Variants in ADCY6 observed in about 807,000 individuals in gnomAD.
The protein encoded by ADCY6 is adenylate cyclase type 6.
A neutral mutation model predicts 111.6 loss-of-function variants in ADCY6; 59 were observed. That is an observed-to-expected ratio of 0.53 (90% CI 0.43 to 0.66). ADCY6 has a LOEUF of 0.66. Among genes scored for constraint, ADCY6 ranks in the 30% least tolerant of loss-of-function variants. The pLI is 0.00. For missense variants in ADCY6, 1,242 were observed against 1,595.6 expected (o/e 0.78, Z 3.78); for synonymous variants, 576 against 642.9 (o/e 0.90, Z 1.57).
intron 1 of ADCY6, among the ~76,000 whole-genome samples, chr12:48,785,962 T>A (rs1941972403): frequency 6.6e-6 from 1 of 152,150 alleles, no homozygotes; most frequent in Admixed American, 6.5e-5. Flanking sequence ...TCCATGATGA[T>A]ACCTTTAATG....
intron 20 of ADCY6, among the ~76,000 whole-genome samples, chr12:48,769,916 C>T (rs1941485981): frequency 6.6e-6 from 1 of 151,980 alleles, no homozygotes; most frequent in Non-Finnish European, 1.5e-5. Flanking sequence ...CGCCCACCAC[C>T]ACACCCGGCT....
At chr12:48,789,427 C>T (rs1416447781), upstream of ADCY6, 1 of 152,442 alleles carries the variant, frequency 6.6e-6, no homozygotes, top group Non-Finnish European at 1.5e-5. Context: ...CCGCCCTCAC[C>T]CCGGGGGTCC....
chr12:48,777,046 T>C lies in ADCY6; in HGVS notation c.1376+58A>G. On this transcript the variant is annotated intron_variant, in intron 6 of 21. Transcript: ENST00000357869. The surrounding 1 kb of genome is among the most constrained non-coding windows in gnomAD (Gnocchi z 4.9). Reference sequence around the variant, plus strand: ...AATCTCCTGAGGTCTCATCAAAAAGTAGGAGCAGTCTGGGGCACCCGCAAT... The same window carrying C: ...AATCTCCTGAGGTCTCATCAAAAAGCAGGAGCAGTCTGGGGCACCCGCAAT... The C allele has an allele frequency of 2.6e-6, 4 of 1,524,124 alleles. No individual in the cohort carries two copies. The highest frequency in any genetic ancestry group is 1.3e-5 in the South Asian group (1 of 77,030). The allele number at this position is 1,524,124 out of a possible 1,614,324, so 94.4% of individuals were successfully genotyped here.
chr12:48,777,796 C>T lies in ADCY6; in HGVS notation c.1015-60G>A. ...TCTTGGTCTCACATTGCAATCCCTCCTGGTCTCTCCACATCGCCAGAGCCC... is the reference window on the plus strand; with the variant it reads ...TCTTGGTCTCACATTGCAATCCCTCTTGGTCTCTCCACATCGCCAGAGCCC... On this transcript the variant is annotated intron_variant, in intron 3 of 21. Coordinates refer to ENST00000357869, the MANE Select transcript of ADCY6 (RefSeq NM_015270.5). This position sits in a 1 kb window ranked among gnomAD's most constrained non-coding sequence, Gnocchi z 4.9. 2 of 1,599,094 alleles carry T rather than the reference C, an allele frequency of 1.3e-6. No homozygotes were observed. The highest frequency in any genetic ancestry group is 1.7e-6 in the Non-Finnish European group (2 of 1,173,128).
chr12:48,770,716 C>T (rs753833338), intron 20 of ADCY6, 50 bp downstream of exon 20: 9 of 1,573,338 alleles, frequency 5.7e-6, no homozygotes, highest in Non-Finnish European at 7.9e-6. Flanking sequence ...ATCCCAGCTT[C>T]ACCTGGAAAA....
chr12:48,771,084 G>A lies in ADCY6; in HGVS notation c.3052-114C>T. The stretch of plus-strand genomic sequence containing the variant: ...CCTTCCCCACTTCCCTGTCTCAAGA[G>A]CCCCCTTCCAGCTGCTGCTATCAGT... On this transcript the variant is annotated intron_variant, in intron 19 of 21. Transcript: ENST00000357869. This position sits in a 1 kb window ranked among gnomAD's most constrained non-coding sequence, Gnocchi z 4.3. 8.6e-6 allele frequency: 9 copies of A among 1,047,980 alleles called. No individual in the cohort carries two copies. Among genetic ancestry groups the A allele is most frequent in the South Asian group, 1.5e-5 (1 of 65,938 alleles). The allele number at this position is 1,047,980 out of a possible 1,614,324, so 64.9% of individuals were successfully genotyped here.
chr12:48,770,606 G>A (rs1291164124), intron 20 of ADCY6, among the ~76,000 whole-genome samples, 160 bp downstream of exon 20: 2 of 152,180 alleles, frequency 1.3e-5, no homozygotes, highest in African/African-American at 4.8e-5. Context: ...AGTGCCTAAT[G>A]ATCTCTGTTC....
At chr12:48,770,623 T>A (rs926453779) in intron 20 of ADCY6, 143 bp downstream of exon 20, 18 of 770,360 alleles carry the variant, frequency 2.3e-5, no homozygotes, top group Non-Finnish European at 3.6e-5. Flanking sequence ...GTTCTTAATA[T>A]CAGACTTGAT....
At position 48,778,202 on chromosome 12, in the gene ADCY6, T is replaced by C; in HGVS notation, c.920A>G (p.His307Arg). The change falls in exon 3 of 22, where the codon CAC (histidine) becomes CGC (arginine). Residue 307 changes from histidine to arginine, a missense_variant. Physicochemically the swap from His to Arg is conservative, Grantham distance 29. This residue lies in a region of ADCY6 where 260 missense variants were observed against 414.6 expected (regional missense o/e 0.63). Transcript: ENST00000357869. ...LCTNVIGICT[H>R]YPAEVSQRQA... The stretch of plus-strand genomic sequence containing the variant: ...GCGCTGAGACACCTCTGCTGGATAG[T>C]GTGTGCAGATGCCAATGACGTTGGT... The C allele has an allele frequency of 6.2e-7, 1 of 1,614,142 alleles. No homozygotes were observed. The highest frequency in any genetic ancestry group is 8.5e-7 in the Non-Finnish European group (1 of 1,180,022).
chr12:48,773,769 C>T, intron 15 of ADCY6, 122 bp from the exon 16 acceptor site: 1 of 1,446,170 alleles, frequency 6.9e-7, no homozygotes, highest in African/African-American at 1.4e-5. Flanking sequence ...ACCCCCATAT[C>T]CTCCACCTTC....
chr12:48,770,794 G>C lies in ADCY6; in HGVS notation c.3228C>G (p.His1076Gln). ...LMEQMKHINE[H>Q]SFNNFQMKIG... ...TCTTCATCTGGAAATTGTTGAAGGA[G>C]TGCTCATTGATGTGCTTCATCTGCT... is the stretch of plus-strand genomic sequence containing the variant. The change falls in exon 20 of 22, where the codon CAC (histidine) becomes CAG (glutamine). Residue 1076 changes from histidine to glutamine, a missense_variant. This residue lies in a region of ADCY6 where 245 missense variants were observed against 371.3 expected (regional missense o/e 0.66). Coordinates refer to ENST00000357869, the MANE Select transcript of ADCY6 (RefSeq NM_015270.5). 6.2e-7 allele frequency: 1 copy of C among 1,614,170 alleles called. No homozygotes were observed. Among genetic ancestry groups the C allele is most frequent in the Non-Finnish European group, 8.5e-7 (1 of 1,180,026 alleles).
chr12:48,783,952 G>A (rs559399212), intron 1 of ADCY6: 19 of 157,716 alleles, frequency 1.2e-4, no homozygotes, highest in Non-Finnish European at 2.1e-4. Context: ...GCGTGGTGGC[G>A]GGCGCCTGTA....
At position 48,778,212 on chromosome 12, in the gene ADCY6, T is replaced by A; in HGVS notation, c.910A>T (p.Ile304Phe). 1 of 1,614,134 alleles carries A rather than the reference T, an allele frequency of 6.2e-7. No individual in the cohort carries two copies. Among genetic ancestry groups the A allele is most frequent in the South Asian group, 1.1e-5 (1 of 91,086 alleles). The stretch of plus-strand genomic sequence containing the variant: ...ACCTCTGCTGGATAGTGTGTGCAGA[T>A]GCCAATGACGTTGGTGCAGAGGAAC... ...LLFLCTNVIG[I>F]CTHYPAEVSQ... is the part of the protein sequence containing the mutation. The change falls in exon 3 of 22, where the codon ATC becomes TTC. Residue 304 changes from isoleucine (I) to phenylalanine (F), a missense_variant. By Grantham distance (21) the Ile-to-Phe change is conservative (BLOSUM62 0). Around this residue, in one of 4 missense-constraint regions of ADCY6, gnomAD observed 260 missense variants for 414.6 expected, o/e 0.63. Transcript: ENST00000357869.
chr12:48,777,783 A>C lies in ADCY6; in HGVS notation c.1015-47T>G. 6.2e-7 allele frequency: 1 copy of C among 1,608,484 alleles called. No homozygotes were observed. The highest frequency in any genetic ancestry group is 8.5e-7 in the Non-Finnish European group (1 of 1,177,606). On this transcript the variant is annotated intron_variant, in intron 3 of 21. Coordinates refer to ENST00000357869, the MANE Select transcript of ADCY6 (RefSeq NM_015270.5). This position sits in a 1 kb window ranked among gnomAD's most constrained non-coding sequence, Gnocchi z 4.9. ...GGCATCACTATACTCTTGGTCTCAC[A>C]TTGCAATCCCTCCTGGTCTCTCCAC...
chr12:48,781,934 C>T (rs1040251116), intron 2 of ADCY6, among the ~76,000 whole-genome samples: 2 of 152,160 alleles, frequency 1.3e-5, no homozygotes, highest in Non-Finnish European at 2.9e-5. Context: ...TCAGACTTAA[C>T]GCTCCTCTCT....
At chr12:48,781,984 G>A (rs781005087) in intron 2 of ADCY6, among the ~76,000 whole-genome samples, 3 of 152,184 alleles carry the variant, frequency 2.0e-5, no homozygotes, top group Admixed American at 6.5e-5. Context: ...CCAGCCCAGA[G>A]AGAACTGACC....
In ADCY6 at chr12:48,777,229, C is replaced by A. The variant is rs922727673; in HGVS notation, c.1251G>T (p.Glu417Asp). 6 of 1,612,772 alleles carry A rather than the reference C, an allele frequency of 3.7e-6. No homozygotes were observed. Among genetic ancestry groups the A allele is most frequent in the Non-Finnish European group, 4.2e-6 (5 of 1,179,442 alleles). The change falls in exon 6 of 22, where the codon GAG becomes GAT. Residue 417 changes from glutamate to aspartate, a missense_variant and splice_region_variant. Physicochemically the swap from Glu to Asp is conservative, Grantham distance 45 (BLOSUM62 2). Around this residue, in one of 4 missense-constraint regions of ADCY6, gnomAD observed 260 missense variants for 414.6 expected, o/e 0.63. Coordinates refer to ENST00000357869, the MANE Select transcript of ADCY6 (RefSeq NM_015270.5). This position sits in a 1 kb window ranked among gnomAD's most constrained non-coding sequence, Gnocchi z 4.9. ...LFARFDKLAA[E>D]NHCLRIKILG... ...AGATCTTGATCCTCAGGCAGTGATT[C>A]TCCTGAATGGGAAGGAATTGGAGGG...
chr12:48,789,519 C>G (rs1942046294), upstream of ADCY6: 1 of 152,270 alleles, frequency 6.6e-6, no homozygotes, highest in South Asian at 2.1e-4. Flanking sequence ...CTGTCAGGGT[C>G]CCAGGGGTTG....
intron 11 of ADCY6, 47 bp downstream of exon 11, chr12:48,775,256 C>A (rs1341284052): frequency 4.3e-6 from 7 of 1,610,606 alleles, no homozygotes; most frequent in Non-Finnish European, 5.1e-6. Context: ...CCTGCTGCGA[C>A]CTGCCCCTCC....
Sources: allele counts gnomAD v4.1 joint callset (sites outside exome capture counted in the v4.1 genomes callset), GRCh38; gene constraint gnomAD v4.1.1; regional missense constraint gnomAD v4.1.1; non-coding constraint Gnocchi (gnomAD v3.1); transcripts MANE v1.5; gene names NCBI Gene and HGNC (gene_info 2026-07-23, HGNC 2026-07-21).